Variants in ROBO1 observed in about 807,000 individuals in gnomAD.
The protein encoded by ROBO1 is roundabout guidance receptor 1, also known as roundabout homolog 1.
In ROBO1, 149 loss-of-function variants were observed where a neutral mutation model predicts 195.9. That is an observed-to-expected ratio of 0.76 (90% confidence interval 0.67 to 0.87). ROBO1 has a LOEUF of 0.87. Ranked by LOEUF, ROBO1 falls within the 40% of genes least tolerant of loss-of-function variation. The probability of loss-of-function intolerance (pLI) is 0.00; values close to 1 mark genes in which losing one functional copy is unlikely to be tolerated. For missense variants in ROBO1, 1,933 were observed against 2,068.3 expected (o/e 0.93, Z 1.27); for synonymous variants, 816 against 733.2 (o/e 1.11, Z -1.82).
chr3:78,783,528 T>G (rs2083743969), intron 4 of ROBO1, among the ~76,000 whole-genome samples: 1 of 152,170 alleles, frequency 6.6e-6, no homozygotes, highest in African/African-American at 2.4e-5. Context: ...CTAAGGACAT[T>G]CAAGATTCTA....
At chr3:79,327,448 C>T (rs889168072) in intron 2 of ROBO1, among the ~76,000 whole-genome samples, 4 of 152,100 alleles carry the variant, frequency 2.6e-5, no homozygotes, top group Middle Eastern at 3.4e-3. Context: ...CTAATGTATT[C>T]AGACTGTTTG....
chr3:79,489,131 A>T (rs7623261), intron 2 of ROBO1, among the ~76,000 whole-genome samples: 1 of 149,208 alleles, frequency 6.7e-6, no homozygotes, highest in African/African-American at 2.5e-5. Flanking sequence ...TATATAAAAC[A>T]TGTGGTAAGA....
intron 1 of ROBO1, among the ~76,000 whole-genome samples, chr3:79,765,353 C>G (rs1334632360): frequency 2.6e-5 from 4 of 152,202 alleles, no homozygotes; most frequent in Non-Finnish European, 5.9e-5. Context: ...AACTGGATAT[C>G]TGCTCCGAGC....
chr3:79,066,821 C>A (rs1431209026), intron 3 of ROBO1, among the ~76,000 whole-genome samples: 1 of 151,830 alleles, frequency 6.6e-6, no homozygotes, highest in Admixed American at 6.6e-5. Context: ...GCCTCGAAAT[C>A]CTGTCATCAT....
intron 2 of ROBO1, among the ~76,000 whole-genome samples, chr3:79,379,273 C>T (rs2109363879): frequency 6.6e-6 from 1 of 152,328 alleles, no homozygotes; most frequent in Middle Eastern, 3.4e-3. Flanking sequence ...GTATTCCATT[C>T]TTGCCATGTT....
chr3:78,668,079 C>T (rs757726437), intron 13 of ROBO1, 30 bp from the exon 14 acceptor site: 161 of 1,611,334 alleles, frequency 1.0e-4, no homozygotes, highest in Non-Finnish European at 1.3e-4. Context: ...TTAGAACATG[C>T]GTATTTAATG....
chr3:78,955,053 G>A (rs1266048865), intron 3 of ROBO1, among the ~76,000 whole-genome samples: 2 of 151,216 alleles, frequency 1.3e-5, no homozygotes, highest in Non-Finnish European at 1.5e-5. Context: ...TGTTCCATGG[G>A]GTTATATAGG....
intron 3 of ROBO1, among the ~76,000 whole-genome samples, chr3:79,021,911 T>C (rs1323835693): frequency 6.6e-6 from 1 of 152,128 alleles, no homozygotes; most frequent in Admixed American, 6.5e-5. Flanking sequence ...GCACCCGCCT[T>C]GGCCTCCCAA....
chr3:79,498,867 A>C (rs1939896934), intron 2 of ROBO1, among the ~76,000 whole-genome samples: 1 of 152,296 alleles, frequency 6.6e-6, no homozygotes, highest in East Asian at 1.9e-4. Context: ...AAAAAAGAAA[A>C]AAAAAAGATT....
chr3:78,769,618 G>GT (rs34157314), intron 4 of ROBO1, among the ~76,000 whole-genome samples: 7 of 84,004 alleles, frequency 8.3e-5, no homozygotes, highest in African/African-American at 1.5e-4. Context: ...GTGTACTTTG[G>GT]TTTTTTTTTT....
At chr3:79,059,609 C>T (rs1461238039) in intron 3 of ROBO1, among the ~76,000 whole-genome samples, 1 of 151,918 alleles carries the variant, frequency 6.6e-6, no homozygotes, top group Admixed American at 6.6e-5. Flanking sequence ...TTCATTAGTT[C>T]CCCCAAATTA....
chr3:78,805,207 A>G (rs1331855341), intron 4 of ROBO1, among the ~76,000 whole-genome samples: 2 of 152,106 alleles, frequency 1.3e-5, no homozygotes, highest in Non-Finnish European at 2.9e-5. Context: ...TTTCTGTGGG[A>G]AAGTTTCTAT....
chr3:78,608,279 T>C (rs969937780), intron 28 of ROBO1, among the ~76,000 whole-genome samples: 10 of 150,804 alleles, frequency 6.6e-5, no homozygotes, highest in Non-Finnish European at 1.3e-4. Flanking sequence ...TTAACTTTTG[T>C]AGTTTTTGTA....
At chr3:79,554,595 G>A (rs1942634265) in intron 2 of ROBO1, among the ~76,000 whole-genome samples, 1 of 151,988 alleles carries the variant, frequency 6.6e-6, no homozygotes, top group African/African-American at 2.4e-5. Flanking sequence ...CCAAAACTTG[G>A]AATGTGCTGT....
intron 1 of ROBO1, among the ~76,000 whole-genome samples, chr3:79,685,073 T>A (rs559601877): frequency 6.6e-6 from 1 of 152,330 alleles, no homozygotes; most frequent in East Asian, 1.9e-4. Context: ...AGTTTCCGTT[T>A]ATTTGTATAG....
At chr3:79,515,352 A>G (rs957889516) in intron 2 of ROBO1, among the ~76,000 whole-genome samples, 2 of 152,222 alleles carry the variant, frequency 1.3e-5, no homozygotes, top group African/African-American at 2.4e-5. Context: ...AGAATTTCCT[A>G]TTCTTACTAG....
chr3:79,763,968 G>A (rs186610238), intron 1 of ROBO1, among the ~76,000 whole-genome samples: 27 of 152,304 alleles, frequency 1.8e-4, no homozygotes, highest in African/African-American at 5.8e-4. Context: ...AAAAGCAGCA[G>A]TATGACATAC....
At chr3:78,601,095 TC>T (rs1182872273) in intron 29 of ROBO1, among the ~76,000 whole-genome samples, 5 of 152,172 alleles carry the variant, frequency 3.3e-5, no homozygotes, top group African/African-American at 7.2e-5. Context: ...CTCTCCAAAG[TC>T]TGCCAACTCT....
At position 79,493,628 on chromosome 3, in the gene ROBO1, T is replaced by C. The variant is rs542682414; in HGVS notation, c.88+96196A>G. On this transcript the variant is annotated intron_variant, in intron 2 of 30. Transcript: ENST00000464233. ...TGTTGAAAAAAGGTTTTTTATTTTATTAATTTGATAAATAATTTAAAAAAT... is the reference window on the plus strand; with the variant it reads ...TGTTGAAAAAAGGTTTTTTATTTTACTAATTTGATAAATAATTTAAAAAAT... Among the ~76,000 whole-genome samples, 310 of 152,180 alleles carry C rather than the reference T, an allele frequency of 2.0e-3. 2 individuals carry two copies. Among genetic ancestry groups the C allele is most frequent in the African/African-American group, 6.2e-3 (257 of 41,580 alleles).
Sources: gnomAD v4.1 joint callset for allele counts (sites outside exome capture counted in the v4.1 genomes callset) on GRCh38, gnomAD v4.1.1 for gene constraint, MANE v1.5 for transcripts, NCBI Gene and HGNC (gene_info 2026-07-23, HGNC 2026-07-21) for gene names.